ST8SIA5: variants seen among roughly 807,000 people sequenced by gnomAD.
The protein encoded by ST8SIA5 is ST8 alpha-N-acetyl-neuraminide alpha-2,8-sialyltransferase 5.
A neutral mutation model predicts 40.2 loss-of-function variants in ST8SIA5; 24 were observed. The observed-to-expected ratio is 0.60, with a 90% confidence interval of 0.43 to 0.84. The LOEUF is 0.84. Ranked by LOEUF, ST8SIA5 falls within the 40% of genes least tolerant of loss-of-function variation. The probability of loss-of-function intolerance (pLI) is 0.00; values close to 1 mark genes in which losing one functional copy is unlikely to be tolerated. For missense variants in ST8SIA5, 465 were observed against 498.5 expected, an observed-to-expected ratio of 0.93 and a Z score of 0.64; for synonymous variants, 198 against 201.8, an observed-to-expected ratio of 0.98 and a Z score of 0.16.
chr18:46,739,790 T>C (rs913253054), intron 1 of ST8SIA5, among the ~76,000 whole-genome samples: 7 of 152,114 alleles, frequency 4.6e-5, no homozygotes, highest in Non-Finnish European at 1.0e-4. Context: ...CAGCTCTCAT[T>C]CCTCTTTGAG....
intron 1 of ST8SIA5, among the ~76,000 whole-genome samples, chr18:46,743,587 G>A (rs571470791): frequency 3.3e-5 from 5 of 152,318 alleles, no homozygotes; most frequent in Admixed American, 6.5e-5. Flanking sequence ...ATCTACATTC[G>A]ATTGGTGTAC....
At chr18:46,681,315 C>A (rs1468296294) in intron 6 of ST8SIA5, among the ~76,000 whole-genome samples, 1 of 152,168 alleles carries the variant, frequency 6.6e-6, no homozygotes, top group Non-Finnish European at 1.5e-5. Flanking sequence ...CTCTTGGGCC[C>A]TCTCTGACTT....
chr18:46,702,360 TACCA>T (rs986940049), intron 2 of ST8SIA5, among the ~76,000 whole-genome samples: 2 of 152,170 alleles, frequency 1.3e-5, no homozygotes, highest in African/African-American at 4.8e-5. Context: ...ATGTTTAAAA[TACCA>T]ACCAGCTCAC....
chr18:46,705,163 C>T (rs1228273347), intron 1 of ST8SIA5, among the ~76,000 whole-genome samples: 1 of 152,204 alleles, frequency 6.6e-6, no homozygotes, highest in Non-Finnish European at 1.5e-5. Context: ...GGCCTTTCTC[C>T]CCATTTGGCA....
intron 1 of ST8SIA5, among the ~76,000 whole-genome samples, chr18:46,734,704 C>T (rs1371425147): frequency 6.6e-6 from 1 of 152,180 alleles, no homozygotes; most frequent in Non-Finnish European, 1.5e-5. Flanking sequence ...AGCCCTTAGC[C>T]AGAGGGGTCT....
Position 46,752,294 on chromosome 18 carries a change from C to A in ST8SIA5, c.131+4084G>T, listed in dbSNP as rs965665039. Among the ~76,000 whole-genome samples, 19 of 152,210 alleles carry A rather than the reference C, an allele frequency of 1.2e-4. No homozygotes were observed. In the East Asian group the frequency reaches 2.3e-3, roughly 19 times the overall value. ...TCCCTCGTCCATTCCTCTAGGCGTG[C>A]CTTTCTGTCTTCCCAATAGCCACCG... On this transcript the variant is annotated intron_variant, in intron 1 of 6. Transcript: ENST00000315087.
chr18:46,701,775 A>G (rs1169352601), intron 2 of ST8SIA5, among the ~76,000 whole-genome samples: 1 of 152,090 alleles, frequency 6.6e-6, no homozygotes, highest in Non-Finnish European at 1.5e-5. Context: ...CAGAAGGATG[A>G]CCCCATTCAT....
chr18:46,671,121 A>G lies in ST8SIA5; in HGVS notation c.*8921T>C, dbSNP rs955173311. On this transcript the variant is annotated 3_prime_UTR_variant, in exon 7 of 7. Coordinates refer to ENST00000315087, the MANE Select transcript of ST8SIA5 (RefSeq NM_013305.6). ...GTGAGTTGTGTTTTCACCCTGCCTC[A>G]GTAAAACAGTAGCCATTTCCACTTT... 1 of 152,210 alleles carries G rather than the reference A, an allele frequency of 6.6e-6. No homozygotes were observed. Among genetic ancestry groups the G allele is most frequent in the Non-Finnish European group, 1.5e-5 (1 of 68,044 alleles). 9.4% of individuals were successfully genotyped at this position (152,210 alleles called of 1,614,324 possible).
rs1489841757 is a variant in ST8SIA5, at chr18:46,678,177, A to G, written c.*1865T>C. 1 of 152,222 alleles carries G rather than the reference A, an allele frequency of 6.6e-6. No individual in the cohort carries two copies. The highest frequency in any genetic ancestry group is 2.4e-5 in the African/African-American group (1 of 41,440). The allele number at this position is 152,222 out of a possible 1,614,324, so 9.4% of individuals were successfully genotyped here. A position where few individuals can be genotyped will look rare whatever the true frequency, so the allele number is the denominator to read the frequency against. ...ATTTCATCCCCTTGGCTACTCCCCT[A>G]CATTCCTGACCAGCAGACTGAGACT... On this transcript the variant is annotated 3_prime_UTR_variant, in exon 7 of 7. Coordinates refer to ENST00000315087, the MANE Select transcript of ST8SIA5 (RefSeq NM_013305.6).
chr18:46,686,342 C>T, intron 4 of ST8SIA5, 56 bp from the exon 5 acceptor site: 1 of 1,419,254 alleles, frequency 7.0e-7, no homozygotes, highest in East Asian at 2.3e-5. Flanking sequence ...CCTCGACCTG[C>T]TACTCTCACC....
chr18:46,702,100 T>C (rs1237656602), intron 2 of ST8SIA5, among the ~76,000 whole-genome samples: 2 of 143,612 alleles, frequency 1.4e-5, no homozygotes, highest in Non-Finnish European at 3.0e-5. Flanking sequence ...TGAGGCGAGA[T>C]GGCACCACTG....
At chr18:46,715,928 G>A (rs2039784156) in intron 1 of ST8SIA5, among the ~76,000 whole-genome samples, 1 of 151,924 alleles carries the variant, frequency 6.6e-6, no homozygotes, top group Non-Finnish European at 1.5e-5. Flanking sequence ...TTTTATTATG[G>A]TCTAACAGCA....
chr18:46,688,761 G>A lies in ST8SIA5; in HGVS notation c.456+14C>T, dbSNP rs377578279. ...CCCTCGCCCCACCCAGACCGCCCCC[G>A]CCCAAAGCAGCACCTTGGGAAACAT... On this transcript the variant is annotated intron_variant, in intron 4 of 6. Transcript: ENST00000315087. The A allele has an allele frequency of 1.2e-5, 20 of 1,603,386 alleles. No homozygotes were observed. Among genetic ancestry groups the A allele is most frequent in the Non-Finnish European group, 1.6e-5 (19 of 1,174,550 alleles).
At chr18:46,726,341 C>T (rs767795967) in intron 1 of ST8SIA5, among the ~76,000 whole-genome samples, 1 of 151,896 alleles carries the variant, frequency 6.6e-6, no homozygotes, top group Non-Finnish European at 1.5e-5. Flanking sequence ...AAAGAGCAAA[C>T]GCTTGTTTCC....
Position 46,756,831 on chromosome 18 carries a change from G to A in ST8SIA5, c.-323C>T, listed in dbSNP as rs930940016. 2 of 293,142 alleles carry A rather than the reference G, an allele frequency of 6.8e-6. No homozygotes were observed. The highest frequency in any genetic ancestry group is 1.3e-5 in the Non-Finnish European group (2 of 158,884). 18.2% of individuals were successfully genotyped at this position (293,142 alleles called of 1,614,324 possible). A position where few individuals can be genotyped will look rare whatever the true frequency, so the allele number is the denominator to read the frequency against. On this transcript the variant is annotated 5_prime_UTR_variant, in exon 1 of 7. Transcript: ENST00000315087. ...ATTTCCCCGCGGAGGGGAGACGCCA[G>A]GTGCCACGAGCCGGAGGCGGCCCCT...
intron 1 of ST8SIA5, among the ~76,000 whole-genome samples, chr18:46,714,683 G>T (rs181218201): frequency 3.3e-4 from 51 of 152,276 alleles, no homozygotes; most frequent in Non-Finnish European, 5.0e-4. Flanking sequence ...GACTGAGCAG[G>T]GGGGGAAGAG....
chr18:46,682,256 C>T (rs1321435404), intron 5 of ST8SIA5, among the ~76,000 whole-genome samples, 192 bp from the exon 6 acceptor site: 1 of 152,244 alleles, frequency 6.6e-6, no homozygotes, highest in Non-Finnish European at 1.5e-5. Flanking sequence ...GGACAGCCAA[C>T]AGGCCTTGCT....
rs973601842 is a variant in ST8SIA5, at chr18:46,671,160, A to G, written c.*8882T>C. On this transcript the variant is annotated 3_prime_UTR_variant, in exon 7 of 7. Coordinates refer to ENST00000315087, the MANE Select transcript of ST8SIA5 (RefSeq NM_013305.6). ...CATTTCCACTTTTAATAAGTCTTTG[A>G]GATCTCCAGAGGCTCTTGTCAACTT... 1.3e-5 allele frequency: 2 copies of G among 152,152 alleles called. No individual in the cohort carries two copies. Among genetic ancestry groups the G allele is most frequent in the Non-Finnish European group, 2.9e-5 (2 of 68,030 alleles). The allele number at this position is 152,152 out of a possible 1,614,324, so 9.4% of individuals were successfully genotyped here.
intron 1 of ST8SIA5, among the ~76,000 whole-genome samples, chr18:46,707,052 A>G (rs1433419956): frequency 1.3e-5 from 2 of 152,220 alleles, no homozygotes; most frequent in Non-Finnish European, 2.9e-5. Context: ...ACAAGGGGTC[A>G]GCCTAGGGCC....
Sources: gnomAD v4.1 joint callset for allele counts (sites outside exome capture counted in the v4.1 genomes callset) on GRCh38, gnomAD v4.1.1 for gene constraint, MANE v1.5 for transcripts, NCBI Gene and HGNC (gene_info 2026-07-23, HGNC 2026-07-21) for gene names.